Variants in CDKL4 observed in about 807,000 individuals in gnomAD.
CDKL4 encodes cyclin dependent kinase like 4.
Under a neutral mutation model 42.0 loss-of-function variants are expected in CDKL4, and 44 were observed. The ratio of observed to expected loss-of-function variants is 1.05; its 90% CI spans 0.82 to 1.35. The LOEUF (loss-of-function observed/expected upper bound fraction) is 1.35, where lower values mean the gene tolerates loss of function less well. Ranked by LOEUF, CDKL4 falls within the 40% of genes most tolerant of loss-of-function variation. The pLI is 0.00. For missense variants in CDKL4, 393 were observed against 369.9 expected (o/e 1.06, Z -0.51); for synonymous variants, 120 against 121.6 (o/e 0.99, Z 0.09).
chr2:39,205,910 G>C (rs573690445), intron 4 of CDKL4, among the ~76,000 whole-genome samples: 2 of 152,114 alleles, frequency 1.3e-5, no homozygotes, highest in African/African-American at 4.8e-5. Context: ...TCCGCGCCAG[G>C]GGATGGGGAT....
intron 1 of CDKL4, among the ~76,000 whole-genome samples, chr2:39,239,927 T>C (rs1679574041): frequency 6.6e-6 from 1 of 150,976 alleles, no homozygotes; most frequent in Non-Finnish European, 1.5e-5. Flanking sequence ...CTGTCTCTAC[T>C]AAAAATACAA....
At chr2:39,225,731 TG>T in intron 3 of CDKL4, 107 bp downstream of exon 3, 2 of 1,102,418 alleles carry the variant, frequency 1.8e-6, no homozygotes, top group Non-Finnish European at 2.5e-6. Context: ...AGATGCATTG[TG>T]GTAGAAAGGG....
chr2:39,177,655 G>A (rs923850344), intron 9 of CDKL4, among the ~76,000 whole-genome samples: 5 of 147,306 alleles, frequency 3.4e-5, no homozygotes, highest in South Asian at 2.2e-4. Context: ...CACCCGCCTC[G>A]GCCTCCCAAA....
chr2:39,202,158 G>C (rs1201049600), intron 5 of CDKL4, among the ~76,000 whole-genome samples: 1 of 151,730 alleles, frequency 6.6e-6, no homozygotes, highest in Non-Finnish European at 1.5e-5. Context: ...CTTGAACCCA[G>C]GAAGTGGAGT....
intron 3 of CDKL4, among the ~76,000 whole-genome samples, chr2:39,216,565 G>A (rs1180692425): frequency 6.6e-6 from 1 of 152,192 alleles, no homozygotes; most frequent in Non-Finnish European, 1.5e-5. Flanking sequence ...GAAATTAGGA[G>A]GCTAATTCAA....
At chr2:39,172,537 C>T (rs1489175695), downstream of CDKL4, among the ~76,000 whole-genome samples, 1 of 152,124 alleles carries the variant, frequency 6.6e-6, no homozygotes, top group African/African-American at 2.4e-5. Flanking sequence ...GCCTGGGCCA[C>T]CCAGGGACAA....
At chr2:39,195,808 C>T (rs980719984) in intron 5 of CDKL4, among the ~76,000 whole-genome samples, 1 of 151,734 alleles carries the variant, frequency 6.6e-6, no homozygotes. Flanking sequence ...TGCGCCCTGC[C>T]TTATATATCT....
chr2:39,243,113 CAAAAAAAAAAAAAAAAAAAA>C lies in CDKL4; in HGVS notation c.-57+738_-57+757del, dbSNP rs57132937. Among the ~76,000 whole-genome samples the C allele has an allele frequency of 2.2e-3, 84 of 38,446 alleles. 1 individual carries two copies. Among genetic ancestry groups the C allele is most frequent in the East Asian group, 0.018 (21 of 1,148 alleles). 25.2% of individuals were successfully genotyped at this position (38,446 alleles called of 152,430 possible). A position where few individuals can be genotyped will look rare whatever the true frequency, so the allele number is the denominator to read the frequency against. On this transcript the variant is annotated intron_variant, in intron 1 of 9. Transcript: ENST00000451199. ...TGGGGAACAAAGTGAGACCCTGTCT[CAAAAAAAAAAAAAAAAAAAA>C]AAAAAAAAAAAAAAAAAAGGAATGA...
chr2:39,214,221 C>T (rs931236820), intron 3 of CDKL4, among the ~76,000 whole-genome samples: 1 of 152,100 alleles, frequency 6.6e-6, no homozygotes, highest in Non-Finnish European at 1.5e-5. Context: ...CTATGCCCGG[C>T]CAGTATTTAC....
In CDKL4 at chr2:39,185,180, A is replaced by G. The variant is rs186214925; in HGVS notation, c.736-533T>C. Among the ~76,000 whole-genome samples, 20 of 121,920 alleles carry G rather than the reference A, an allele frequency of 1.6e-4. 2 individuals carry two copies. Among genetic ancestry groups the G allele is most frequent in the South Asian group, 4.7e-4 (2 of 4,230 alleles). The allele number at this position is 121,920 out of a possible 152,430, so 80.0% of individuals were successfully genotyped here. ...TATACACATATGTATATATATACATATGTGTATATACATATATATACACAT... is the reference window on the plus strand; with the variant it reads ...TATACACATATGTATATATATACATGTGTGTATATACATATATATACACAT... On this transcript the variant is annotated intron_variant, in intron 7 of 9. Transcript: ENST00000451199.
intron 2 of CDKL4, among the ~76,000 whole-genome samples, 156 bp downstream of exon 2, chr2:39,229,209 G>A (rs1293983279): frequency 1.3e-5 from 2 of 152,162 alleles, no homozygotes; most frequent in Admixed American, 6.5e-5. Context: ...CAGAGTGGCC[G>A]AAGTCCAAAG....
chr2:39,235,874 G>C (rs1250649396), intron 1 of CDKL4, among the ~76,000 whole-genome samples: 2 of 150,612 alleles, frequency 1.3e-5, no homozygotes, highest in Non-Finnish European at 1.5e-5. Flanking sequence ...GAGGAAGTAG[G>C]AAAGAAGAAG....
intron 3 of CDKL4, among the ~76,000 whole-genome samples, chr2:39,217,504 C>T (rs1249065908): frequency 4.6e-5 from 7 of 152,058 alleles, no homozygotes; most frequent in Admixed American, 4.6e-4. Flanking sequence ...TATTATTACC[C>T]AAGATGAATT....
rs35984945 is a variant in CDKL4 at position 39,219,404 on chromosome 2, CTTATTTATTTAT to C, written c.291-5944_291-5933del. ...TGGCCACTCAGTAATGAAACAGGTA[CTTATTTATTTAT>C]TTATTTATTTATTTATTTTTTTGAG... On this transcript the variant is annotated intron_variant, in intron 3 of 9. Transcript: ENST00000451199. Among the ~76,000 whole-genome samples, 6 of 148,406 alleles carry C rather than the reference CTTATTTATTTAT, an allele frequency of 4.0e-5. No individual in the cohort carries two copies. The Admixed American group carries it at 4.1e-4, about 10-fold the overall frequency.
At chr2:39,239,488 T>C (rs1244380713) in intron 1 of CDKL4, among the ~76,000 whole-genome samples, 3 of 152,196 alleles carry the variant, frequency 2.0e-5, no homozygotes, top group Admixed American at 6.5e-5. Context: ...CCAGAATACA[T>C]AGAGAGCATG....
chr2:39,168,658 C>T, the CDKL4 span, among the ~76,000 whole-genome samples: 1 of 150,794 alleles, frequency 6.6e-6, no homozygotes, highest in East Asian at 2.0e-4. Flanking sequence ...TCACTTGAAC[C>T]CAGGAGGCGG....
chr2:39,210,835 T>C (rs1245564132), intron 4 of CDKL4, among the ~76,000 whole-genome samples: 1 of 152,170 alleles, frequency 6.6e-6, no homozygotes, highest in Non-Finnish European at 1.5e-5. Flanking sequence ...GAAAAATAGG[T>C]TTATGTATTT....
chr2:39,174,146 C>T (rs1237491528), downstream of CDKL4, among the ~76,000 whole-genome samples: 2 of 151,038 alleles, frequency 1.3e-5, no homozygotes, highest in African/African-American at 4.9e-5. Flanking sequence ...GGCGCACTCC[C>T]GTAATCCCAG....
At chr2:39,219,297 G>A (rs1334831775) in intron 3 of CDKL4, among the ~76,000 whole-genome samples, 2 of 152,210 alleles carry the variant, frequency 1.3e-5, no homozygotes, top group African/African-American at 2.4e-5. Flanking sequence ...CCAAGGCTGT[G>A]AGAATCTAGG....
Sources: allele counts gnomAD v4.1 joint callset (sites outside exome capture counted in the v4.1 genomes callset), GRCh38; gene constraint gnomAD v4.1.1; transcripts MANE v1.5; gene names NCBI Gene and HGNC (gene_info 2026-07-23, HGNC 2026-07-21).